TAS2R1: variants seen among roughly 807,000 people sequenced by gnomAD.
The protein encoded by TAS2R1 is taste 2 receptor member 1.
For missense variants in TAS2R1, 370 were observed against 353.4 expected (o/e 1.05, Z -0.38); for synonymous variants, 141 against 134.2 (o/e 1.05, Z -0.35).
upstream of TAS2R1, chr5:9,712,346 G>A (rs551681211): frequency 6.6e-6 from 1 of 152,322 alleles, no homozygotes; most frequent in East Asian, 1.9e-4. Context: ...TGACTTGGCT[G>A]GGGTATGGTG....
At chr5:9,663,647 G>A (rs373634456) in intron 1 of TAS2R1, among the ~76,000 whole-genome samples, 5 of 152,178 alleles carry the variant, frequency 3.3e-5, no homozygotes, top group African/African-American at 1.2e-4. Flanking sequence ...AAAGCTATGT[G>A]CTATTCTCAA....
intron 1 of TAS2R1, among the ~76,000 whole-genome samples, chr5:9,684,246 C>T (rs567085180): frequency 3.5e-4 from 54 of 152,292 alleles, no homozygotes; most frequent in Non-Finnish European, 5.9e-4. Context: ...TTGTCATTTA[C>T]AGCAACATGA....
At chr5:9,639,650 G>C (rs539031254) in intron 2 of TAS2R1, among the ~76,000 whole-genome samples, 1 of 152,090 alleles carries the variant, frequency 6.6e-6, no homozygotes, top group African/African-American at 2.4e-5. Flanking sequence ...ATCTTCCCCC[G>C]ATCTCCAACC....
intron 1 of TAS2R1, among the ~76,000 whole-genome samples, chr5:9,705,410 C>G (rs571299556): frequency 6.6e-6 from 1 of 152,218 alleles, no homozygotes; most frequent in East Asian, 1.9e-4. Context: ...AGAAGTCACA[C>G]TGCTTCAGAT....
In TAS2R1 at chr5:9,630,089, G is replaced by A. The variant is rs1481243746; in HGVS notation, c.-57C>T. 1 of 1,428,702 alleles carries A rather than the reference G, an allele frequency of 7.0e-7. No homozygotes were observed. The highest frequency in any genetic ancestry group is 9.3e-7 in the Non-Finnish European group (1 of 1,077,384). 88.5% of individuals were successfully genotyped at this position (1,428,702 alleles called of 1,614,324 possible). ...TAATGAAGTTATAAAGTTTTGGACA[G>A]GTTGGGTTGTTCACGCTCTTCAATT... On this transcript the variant is annotated 5_prime_UTR_variant, in exon 1 of 1. Transcript: ENST00000382492.
intron 2 of TAS2R1, among the ~76,000 whole-genome samples, chr5:9,636,987 T>C (rs898052645): frequency 8.9e-4 from 2 of 2,242 alleles, no homozygotes; most frequent in African/African-American, 4.4e-3. Flanking sequence ...AATACCTTGT[T>C]TTTTTTTTTC....
At chr5:9,859,753 C>T in the TAS2R1 span, among the ~76,000 whole-genome samples, 1 of 152,194 alleles carries the variant, frequency 6.6e-6, no homozygotes, top group South Asian at 2.1e-4. Flanking sequence ...AACAAACATG[C>T]TTCAACAACA....
At chr5:9,650,914 A>G (rs1463756497) in intron 2 of TAS2R1, among the ~76,000 whole-genome samples, 2 of 152,230 alleles carry the variant, frequency 1.3e-5, no homozygotes, top group Non-Finnish European at 2.9e-5. Flanking sequence ...TTTTTATGGA[A>G]TGAATGTATA....
chr5:9,685,484 G>A (rs1169965191), intron 1 of TAS2R1, among the ~76,000 whole-genome samples: 2 of 151,932 alleles, frequency 1.3e-5, no homozygotes, highest in Non-Finnish European at 2.9e-5. Context: ...ATGTTATATT[G>A]TAAATATATT....
At chr5:9,708,603 T>G (rs1466262248) in intron 1 of TAS2R1, among the ~76,000 whole-genome samples, 1 of 152,272 alleles carries the variant, frequency 6.6e-6, no homozygotes, top group Middle Eastern at 3.4e-3. Context: ...GGTCTCTTTT[T>G]TTTTTTCTTT....
At chr5:9,773,116 G>A in the TAS2R1 span, among the ~76,000 whole-genome samples, 2 of 151,326 alleles carry the variant, frequency 1.3e-5, no homozygotes, top group Non-Finnish European at 3.0e-5. Flanking sequence ...TTTTAGTGAA[G>A]GTGACTTTGT....
At chr5:9,749,129 A>T in the TAS2R1 span, among the ~76,000 whole-genome samples, 2 of 152,212 alleles carry the variant, frequency 1.3e-5, no homozygotes, top group Non-Finnish European at 2.9e-5. Flanking sequence ...CAGGTCTGGA[A>T]AATACAGAAT....
the TAS2R1 span, among the ~76,000 whole-genome samples, chr5:9,869,316 G>A: frequency 6.6e-6 from 1 of 152,212 alleles, no homozygotes; most frequent in Admixed American, 6.5e-5. Flanking sequence ...TGGCTGGGGA[G>A]GCCTCACAAT....
the TAS2R1 span, among the ~76,000 whole-genome samples, chr5:9,825,000 C>T: frequency 3.3e-5 from 5 of 152,168 alleles, no homozygotes; most frequent in African/African-American, 1.2e-4. Flanking sequence ...GCCCCCAACC[C>T]AACAGAAAAC....
chr5:9,810,922 C>G, the TAS2R1 span, among the ~76,000 whole-genome samples: 2 of 152,144 alleles, frequency 1.3e-5, no homozygotes, highest in Non-Finnish European at 1.5e-5. Flanking sequence ...TATACCAGCA[C>G]TTTACCCACT....
upstream of TAS2R1, among the ~76,000 whole-genome samples, chr5:9,632,842 G>A (rs78411154): frequency 7.0e-3 from 1,062 of 151,872 alleles, 11 homozygotes; most frequent in African/African-American, 0.024. Context: ...AAGTCATCAG[G>A]AGGTTTGGAG....
the TAS2R1 span, among the ~76,000 whole-genome samples, chr5:9,868,391 G>A: frequency 1.5e-4 from 23 of 152,148 alleles, no homozygotes; most frequent in Admixed American, 2.6e-4. Context: ...TCAACACCAC[G>A]TGGAAGCTGT....
At chr5:9,687,075 C>T (rs1741139308) in intron 1 of TAS2R1, among the ~76,000 whole-genome samples, 1 of 152,198 alleles carries the variant, frequency 6.6e-6, no homozygotes, top group South Asian at 2.1e-4. Flanking sequence ...AGCGATTCTC[C>T]TGCCTCAGCC....
the TAS2R1 span, among the ~76,000 whole-genome samples, chr5:9,745,825 G>C: frequency 1.2e-4 from 19 of 152,004 alleles, no homozygotes; most frequent in African/African-American, 4.1e-4. Context: ...CTAGAAAAAA[G>C]CTAGGCAATA....
Sources: allele counts gnomAD v4.1 joint callset (sites outside exome capture counted in the v4.1 genomes callset), GRCh38; gene constraint gnomAD v4.1.1; transcripts MANE v1.5; gene names NCBI Gene and HGNC (gene_info 2026-07-23, HGNC 2026-07-21).